FBXL13: variants seen among roughly 807,000 people sequenced by gnomAD.
FBXL13 encodes F-box and leucine-rich repeat protein 13.
Under a neutral mutation model 83.6 loss-of-function variants are expected in FBXL13, and 67 were observed. The observed-to-expected ratio is 0.80, with a 90% CI of 0.66 to 0.98. The LOEUF is 0.98. Among genes scored for constraint, FBXL13 ranks in the 50% least tolerant of loss-of-function variants. FBXL13 has a pLI of 0.00. For synonymous variants in FBXL13, 272 were observed against 299.5 expected (o/e 0.91, Z 0.95); for missense variants, 822 against 866.5 (o/e 0.95, Z 0.64).
At chr7:103,003,307 A>C (rs1167927066) in intron 6 of FBXL13, among the ~76,000 whole-genome samples, 1 of 29,912 alleles carries the variant, frequency 3.3e-5, no homozygotes, top group Non-Finnish European at 5.8e-5. Context: ...TTTTTTTTTG[A>C]GACAGACTCT....
intron 6 of FBXL13, among the ~76,000 whole-genome samples, chr7:103,016,992 T>C (rs1792430037): frequency 6.6e-6 from 1 of 152,216 alleles, no homozygotes; most frequent in Non-Finnish European, 1.5e-5. Flanking sequence ...TCTCCCAGCA[T>C]GGAGTTTGAG....
Position 102,816,327 on chromosome 7 carries a change from C to T in FBXL13, c.2019-2796G>A, listed in dbSNP as rs1797994200. ...GAAGTGCTTTCACAGCAAGGGTGGT[C>T]CTAGGGAAAAACAGAAAATATGAAT... On this transcript the variant is annotated intron_variant, in intron 19 of 19. Coordinates refer to ENST00000313221, the Ensembl canonical transcript of FBXL13. 2.0e-5 allele frequency: 3 copies of T among 152,360 alleles called. No individual in the cohort carries two copies. In the South Asian group the frequency reaches 6.2e-4, roughly 32 times the overall value. The allele number at this position is 152,360 out of a possible 1,614,324, so 9.4% of individuals were successfully genotyped here.
intron 10 of FBXL13, among the ~76,000 whole-genome samples, chr7:102,924,001 A>T (rs1461385949): frequency 6.6e-6 from 1 of 152,096 alleles, no homozygotes; most frequent in African/African-American, 2.4e-5. Context: ...GCACTTTGGG[A>T]GGCCAAGGAG....
At chr7:102,943,577 A>G (rs1821889533) in intron 8 of FBXL13, among the ~76,000 whole-genome samples, 2 of 152,160 alleles carry the variant, frequency 1.3e-5, no homozygotes, top group Admixed American at 1.3e-4. Context: ...TTAAACCAGA[A>G]TGTGACGCAT....
At chr7:102,822,066 C>G (rs777796159) in exon 19 of FBXL13, 1 of 1,614,198 alleles carries the variant, frequency 6.2e-7, no homozygotes, top group South Asian at 1.1e-5. Context: ...AGTATTGCAT[C>G]TTAAGGATCC....
intron 2 of FBXL13, among the ~76,000 whole-genome samples, chr7:103,031,720 T>TCTA (rs1392046742): frequency 6.6e-6 from 1 of 152,210 alleles, no homozygotes; most frequent in Non-Finnish European, 1.5e-5. Flanking sequence ...AAGAAAAAAT[T>TCTA]CTACCATAAG....
chr7:102,854,791 C>T (rs1225186698), exon 17 of FBXL13: 1 of 1,579,382 alleles, frequency 6.3e-7, no homozygotes, highest in Non-Finnish European at 8.6e-7. Context: ...ATTCCATCAT[C>T]AGTGATTCTA....
At chr7:102,874,809 C>T (rs1015913272) in intron 16 of FBXL13, among the ~76,000 whole-genome samples, 28 of 152,140 alleles carry the variant, frequency 1.8e-4, no homozygotes, top group Non-Finnish European at 3.5e-4. Context: ...TCAAGTGACC[C>T]GCCTGCCTCA....
chr7:102,938,202 G>A (rs1008349570), intron 8 of FBXL13, among the ~76,000 whole-genome samples: 9 of 152,198 alleles, frequency 5.9e-5, no homozygotes, highest in Admixed American at 5.9e-4. Flanking sequence ...AACTGCTTTA[G>A]CTTCACATTG....
chr7:102,943,596 C>T (rs988356506), intron 8 of FBXL13, among the ~76,000 whole-genome samples: 2 of 152,094 alleles, frequency 1.3e-5, no homozygotes, highest in Non-Finnish European at 2.9e-5. Flanking sequence ...ATATCACAGG[C>T]AATCCACTAA....
At chr7:102,971,801 G>A (rs1280703168) in intron 6 of FBXL13, among the ~76,000 whole-genome samples, 7 of 151,968 alleles carry the variant, frequency 4.6e-5, no homozygotes, top group South Asian at 4.1e-4. Flanking sequence ...CAAGGTGGGC[G>A]GATCACCTGA....
intron 8 of FBXL13, among the ~76,000 whole-genome samples, chr7:102,962,819 C>T (rs1422107427): frequency 2.3e-5 from 3 of 128,990 alleles, no homozygotes; most frequent in East Asian, 2.3e-4. Context: ...ATATCACACT[C>T]TGGGGACTGT....
chr7:102,830,073 T>C lies in FBXL13; in HGVS notation c.1854+2767A>G, dbSNP rs141231770. Among the ~76,000 whole-genome samples, 917 of 152,326 alleles carry C rather than the reference T, an allele frequency of 6.0e-3. 1 individual carries two copies. The highest frequency in any genetic ancestry group is 9.4e-3 in the Non-Finnish European group (642 of 68,034). ...TCTTCCTTCTTCCTCTTTCTCCCTC[T>C]AAACCTTTGATACAGAGTGATGCAT... On this transcript the variant is annotated intron_variant, in intron 18 of 19. Coordinates refer to ENST00000313221, the Ensembl canonical transcript of FBXL13.
chr7:103,069,748 G>C (rs1798749942), intron 1 of FBXL13, among the ~76,000 whole-genome samples: 1 of 152,202 alleles, frequency 6.6e-6, no homozygotes, highest in African/African-American at 2.4e-5. Context: ...AACTTCTATT[G>C]TTCTTTTCTC....
At chr7:102,833,067 CT>C (rs1453440660) in intron 17 of FBXL13, 93 bp from the exon 19 acceptor site, 40 of 1,346,902 alleles carry the variant, frequency 3.0e-5, no homozygotes, top group Middle Eastern at 2.1e-4. Context: ...ATTTCAGTCC[CT>C]GAAATACAGA....
At chr7:102,931,788 A>G (rs1404918414) in intron 9 of FBXL13, 93 bp downstream of exon 10, 1 of 1,210,164 alleles carries the variant, frequency 8.3e-7, no homozygotes, top group Non-Finnish European at 1.2e-6. Context: ...TTGAATCCCA[A>G]ATAAGCACAC....
chr7:103,026,178 G>A (rs1414181293), intron 5 of FBXL13, among the ~76,000 whole-genome samples: 7 of 151,910 alleles, frequency 4.6e-5, no homozygotes, highest in South Asian at 4.2e-4. Flanking sequence ...CGCTTTTGTC[G>A]CCCAGGCTGG....
chr7:102,898,846 C>T (rs1812609225), intron 11 of FBXL13, among the ~76,000 whole-genome samples: 1 of 152,162 alleles, frequency 6.6e-6, no homozygotes, highest in African/African-American at 2.4e-5. Flanking sequence ...CAGTGATTTT[C>T]TCGAGTAAGG....
chr7:102,932,888 C>T (rs1819493633), intron 8 of FBXL13, among the ~76,000 whole-genome samples: 1 of 152,172 alleles, frequency 6.6e-6, no homozygotes, highest in Admixed American at 6.5e-5. Flanking sequence ...AGCCACCGCA[C>T]CTGGCCAGAA....
Sources: gnomAD v4.1 joint callset for allele counts (sites outside exome capture counted in the v4.1 genomes callset) on GRCh38, gnomAD v4.1.1 for gene constraint, MANE v1.5 for transcripts, NCBI Gene and HGNC (gene_info 2026-07-23, HGNC 2026-07-21) for gene names.